Variants in CLNK observed in about 807,000 individuals in gnomAD.
The protein encoded by CLNK is cytokine dependent hematopoietic cell linker, also known as cytokine-dependent hematopoietic cell linker.
CLNK carries 74 observed loss-of-function variants against 68.6 expected under a neutral mutation model. The observed-to-expected ratio is 1.08, with a 90% confidence interval of 0.89 to 1.31. The LOEUF (loss-of-function observed/expected upper bound fraction) is 1.31. Ranked by LOEUF, CLNK falls within the 50% of genes most tolerant of loss-of-function variation. The probability of loss-of-function intolerance (pLI) is 0.00; values close to 1 mark genes in which losing one functional copy is unlikely to be tolerated. For synonymous variants in CLNK, 198 were observed against 172.2 expected (o/e 1.15, Z -1.17); for missense variants, 553 against 515.3 (o/e 1.07, Z -0.71).
intron 2 of CLNK, among the ~76,000 whole-genome samples, chr4:10,649,226 T>G (rs1037566828): frequency 6.6e-6 from 1 of 152,050 alleles, no homozygotes; most frequent in Non-Finnish European, 1.5e-5. Context: ...AGGGAGAATA[T>G]TGTTTATTTC....
At chr4:10,720,460 C>T in the CLNK span, among the ~76,000 whole-genome samples, 1 of 151,816 alleles carries the variant, frequency 6.6e-6, no homozygotes, top group Non-Finnish European at 1.5e-5. Flanking sequence ...AGAGGATACG[C>T]AGATGACAAA....
At position 10,565,763 on chromosome 4, in the gene CLNK, A is replaced by C. The variant is rs79897732; in HGVS notation, c.292+246T>G. On this transcript the variant is annotated intron_variant, in intron 6 of 18. Transcript: ENST00000226951. ...GCTTGGTACCAGGTCCTCTGGTGAG[A>C]ACTCAACATGCGTCATTCACATAAT... Among the ~76,000 whole-genome samples, 513 of 152,230 alleles carry C rather than the reference A, an allele frequency of 3.4e-3. 2 individuals are homozygous for C. Among genetic ancestry groups the C allele is most frequent in the Non-Finnish European group, 4.1e-3 (280 of 68,020 alleles).
At chr4:10,537,646 T>C (rs549495362) in intron 11 of CLNK, among the ~76,000 whole-genome samples, 92 of 52,250 alleles carry the variant, frequency 1.8e-3, no homozygotes, top group Middle Eastern at 0.015. Context: ...TCTCTTTCTT[T>C]CTTTCTTTCT....
chr4:10,711,982 T>C, the CLNK span, among the ~76,000 whole-genome samples: 1 of 151,908 alleles, frequency 6.6e-6, no homozygotes, highest in Non-Finnish European at 1.5e-5. Context: ...CGGGAGACAA[T>C]GGATATCGCG....
intron 5 of CLNK, among the ~76,000 whole-genome samples, chr4:10,566,429 A>G (rs1720118885): frequency 3.3e-5 from 5 of 152,200 alleles, no homozygotes; most frequent in Admixed American, 2.6e-4. Flanking sequence ...TAATCAGCTG[A>G]CCTTAAAATA....
At position 10,497,478 on chromosome 4, in the gene CLNK, C is replaced by T. The variant is rs1716861027; in HGVS notation, c.1140+3778G>A. ...ACAGAAAGGAGCTTCTTAAAACAGA[C>T]ATTTGGTTCTCTCAGGGTTCCTTGG... On this transcript the variant is annotated intron_variant, in intron 18 of 18. Coordinates refer to ENST00000226951, the MANE Select transcript of CLNK (RefSeq NM_052964.4). Among the ~76,000 whole-genome samples the T allele has an allele frequency of 2.0e-5, 3 of 152,190 alleles. No individual in the cohort carries two copies. The South Asian group carries it at 6.2e-4, about 31-fold the overall frequency.
At chr4:10,583,872 C>T (rs1384761568) in intron 4 of CLNK, among the ~76,000 whole-genome samples, 1 of 152,118 alleles carries the variant, frequency 6.6e-6, no homozygotes, top group Non-Finnish European at 1.5e-5. Flanking sequence ...TACCTGTGTG[C>T]TTTATGATTC....
chr4:10,634,387 G>T (rs1222559417), intron 2 of CLNK, among the ~76,000 whole-genome samples: 1 of 152,202 alleles, frequency 6.6e-6, no homozygotes, highest in Non-Finnish European at 1.5e-5. Flanking sequence ...CAGCCAGCTT[G>T]CTGTGTGCGC....
At chr4:10,602,668 G>A (rs944703744) in intron 2 of CLNK, among the ~76,000 whole-genome samples, 14 of 152,182 alleles carry the variant, frequency 9.2e-5, no homozygotes, top group Admixed American at 5.9e-4. Flanking sequence ...CAGCCAGTAC[G>A]TTTACGTTTG....
intron 7 of CLNK, among the ~76,000 whole-genome samples, chr4:10,564,021 A>C (rs753502980): frequency 1.3e-5 from 2 of 152,218 alleles, no homozygotes; most frequent in Non-Finnish European, 2.9e-5. Flanking sequence ...TTCTGGATTA[A>C]GAAAATTAAG....
chr4:10,686,727 T>C (rs915343797), upstream of CLNK, among the ~76,000 whole-genome samples: 3 of 151,712 alleles, frequency 2.0e-5, no homozygotes, highest in Non-Finnish European at 4.4e-5. Flanking sequence ...GAAAAGTGAA[T>C]TATTGTGGTC....
intron 2 of CLNK, among the ~76,000 whole-genome samples, chr4:10,626,974 A>G (rs1359336417): frequency 1.3e-5 from 2 of 152,204 alleles, no homozygotes; most frequent in African/African-American, 4.8e-5. Context: ...GACTAGCTCT[A>G]GAATCTGGTT....
At chr4:10,532,230 C>T (rs1442375403) in intron 12 of CLNK, 26 bp downstream of exon 12, 1 of 1,591,974 alleles carries the variant, frequency 6.3e-7, no homozygotes, top group Admixed American at 1.7e-5. Context: ...CCCTTCTTTG[C>T]TTCCAAGGAT....
chr4:10,713,886 C>G, the CLNK span, among the ~76,000 whole-genome samples: 105 of 152,316 alleles, frequency 6.9e-4, no homozygotes, highest in Middle Eastern at 6.8e-3. Context: ...TGTCAGATCT[C>G]AGGTATTCCT....
intron 5 of CLNK, 74 bp downstream of exon 5, chr4:10,571,667 G>A: frequency 1.7e-6 from 2 of 1,196,494 alleles, no homozygotes; most frequent in Non-Finnish European, 2.5e-6. Flanking sequence ...ATTTTACCCA[G>A]TATCTTGAAT....
intron 1 of CLNK, 66 bp from the exon 2 acceptor site, chr4:10,667,977 C>G (rs1385570678): frequency 2.3e-6 from 2 of 860,434 alleles, no homozygotes; most frequent in Non-Finnish European, 3.6e-6. Flanking sequence ...GGGGAACAAG[C>G]CACTGTTGCT....
intron 2 of CLNK, among the ~76,000 whole-genome samples, chr4:10,664,954 G>T (rs1724333058): frequency 1.3e-5 from 2 of 152,202 alleles, no homozygotes; most frequent in African/African-American, 2.4e-5. Context: ...ATCCCATACG[G>T]ATTGACTGGC....
At chr4:10,543,608 C>A (rs571230681) in intron 8 of CLNK, among the ~76,000 whole-genome samples, 2 of 152,162 alleles carry the variant, frequency 1.3e-5, no homozygotes, top group Non-Finnish European at 2.9e-5. Context: ...TCCACTGCAC[C>A]GCCTGTTTAG....
intron 2 of CLNK, among the ~76,000 whole-genome samples, chr4:10,632,979 C>A (rs1013197019): frequency 6.6e-6 from 1 of 152,206 alleles, no homozygotes; most frequent in African/African-American, 2.4e-5. Flanking sequence ...GGCCTGTCAA[C>A]CAGGCCAGAG....
Sources: allele counts gnomAD v4.1 joint callset (sites outside exome capture counted in the v4.1 genomes callset), GRCh38; gene constraint gnomAD v4.1.1; transcripts MANE v1.5; gene names NCBI Gene and HGNC (gene_info 2026-07-23, HGNC 2026-07-21).